The following FGF13 variants were observed in gnomAD, a reference collection of about 807,000 sequenced individuals.
FGF13 encodes the protein fibroblast growth factor homologous factor 2.
FGF13 carries 2 observed loss-of-function variants against 19.5 expected under a neutral mutation model. The observed-to-expected ratio is 0.10, with a 90% CI of 0.04 to 0.32. The LOEUF is 0.32. Among genes scored for constraint, FGF13 ranks in the 10% least tolerant of loss-of-function variants. FGF13 has a pLI of 1.00. For missense variants in FGF13, 113 were observed against 192.7 expected, an observed-to-expected ratio of 0.59 and a Z score of 2.45; for synonymous variants, 72 against 76.9, an observed-to-expected ratio of 0.94 and a Z score of 0.33.
At chrX:138,953,931 G>T (rs2091828096) in intron 1 of FGF13, among the ~76,000 whole-genome samples, 1 of 111,137 alleles carries the variant, frequency 9.0e-6, no homozygotes, top group Non-Finnish European at 1.9e-5. Flanking sequence ...TCTCTGGAAA[G>T]GGTGAGGCAG....
chrX:138,947,761 A>G (rs1057000473), intron 1 of FGF13, among the ~76,000 whole-genome samples: 4 of 111,989 alleles, frequency 3.6e-5, no homozygotes, highest in Non-Finnish European at 7.5e-5. Context: ...CAAAGTTCTT[A>G]TGTTCAAGTT....
intron 1 of FGF13, among the ~76,000 whole-genome samples, chrX:138,989,237 A>T: frequency 9.0e-6 from 1 of 111,709 alleles, no homozygotes. Context: ...GAAGAACTCC[A>T]TTTTGAAACT....
intron 3 of FGF13, among the ~76,000 whole-genome samples, chrX:138,808,842 C>T (rs1418718699): frequency 1.8e-5 from 2 of 111,679 alleles, no homozygotes; most frequent in Admixed American, 1.9e-4. Flanking sequence ...CTAGAAAATC[C>T]AGAAGAAATG....
In FGF13 at chrX:138,625,486, T is replaced by TATATATATATACATATATATATATAA. The variant is rs2089052096; in HGVS notation, c.*7338_*7363dup. 1.1e-5 allele frequency: 1 copy of TATATATATATACATATATATATATAA among 91,531 alleles called. No individual in the cohort carries two copies. Among genetic ancestry groups the TATATATATATACATATATATATATAA allele is most frequent in the Admixed American group, 1.2e-4 (1 of 8,056 alleles). The allele number at this position is 91,531 out of a possible 1,213,427, so 7.5% of individuals were successfully genotyped here. ...TATATATATACATATATATATATAA[T>TATATATATATACATATATATATATAA]ATATATATATACATATATATATATA... On this transcript the variant is annotated 3_prime_UTR_variant, in exon 5 of 5. Transcript: ENST00000315930.
chrX:139,188,478 G>A (rs914169591), intron 1 of FGF13, among the ~76,000 whole-genome samples: 1 of 111,653 alleles, frequency 9.0e-6, no homozygotes, highest in Non-Finnish European at 1.9e-5. Context: ...TACATGGAGT[G>A]GGAAATCTGT....
intron 1 of FGF13, among the ~76,000 whole-genome samples, chrX:138,927,331 A>G (rs2091679280): frequency 1.8e-5 from 2 of 111,802 alleles, no homozygotes; most frequent in African/African-American, 6.5e-5. Context: ...GACCCATCCA[A>G]CTGGGCTCTA....
At chrX:138,811,263 C>A (rs998004867) in intron 3 of FGF13, among the ~76,000 whole-genome samples, 2 of 111,155 alleles carry the variant, frequency 1.8e-5, no homozygotes, top group Non-Finnish European at 3.8e-5. Context: ...TACTATGCAG[C>A]CATAAAAAAG....
At chrX:139,038,634 T>A (rs767704013) in intron 1 of FGF13, among the ~76,000 whole-genome samples, 1 of 112,068 alleles carries the variant, frequency 8.9e-6, no homozygotes, top group African/African-American at 3.2e-5. Context: ...GGCTGAAATG[T>A]TCTTCCAATT....
At chrX:138,793,161 G>A (rs1381515485) in intron 3 of FGF13, among the ~76,000 whole-genome samples, 1 of 111,189 alleles carries the variant, frequency 9.0e-6, no homozygotes. Context: ...AGCTTGAAAC[G>A]AATTCTCCTC....
At chrX:138,698,047 G>A (rs2089912026) in intron 3 of FGF13, among the ~76,000 whole-genome samples, 1 of 110,616 alleles carries the variant, frequency 9.0e-6, no homozygotes, top group African/African-American at 3.3e-5. Context: ...GAAAGACTCA[G>A]CATATATCAT....
In FGF13 at chrX:139,161,560, C is replaced by T. The variant is rs191463076; in HGVS notation, c.-113+41856G>A. 3.3e-3 allele frequency among the ~76,000 whole-genome samples: 362 copies of T among 111,308 alleles called. 6 individuals are homozygous for T. Among genetic ancestry groups the T allele is most frequent in the African/African-American group, 0.011 (333 of 30,602 alleles). The stretch of plus-strand genomic sequence containing the variant: ...GGGAAGTCTGGCCACGGCACTCAGG[C>T]AAGAGAAAGAAATAAAGTGTATTTA... On this transcript the variant is annotated intron_variant, in intron 1 of 2. Transcript: ENST00000421460.
chrX:138,868,947 T>C (rs1569414890), intron 1 of FGF13, among the ~76,000 whole-genome samples: 1 of 111,021 alleles, frequency 9.0e-6, no homozygotes, highest in Non-Finnish European at 1.9e-5. Context: ...TCCTTGGTTC[T>C]AGTGCTAGCG....
intron 3 of FGF13, among the ~76,000 whole-genome samples, chrX:138,808,165 T>C (rs1300417758): frequency 8.9e-6 from 1 of 111,865 alleles, no homozygotes; most frequent in African/African-American, 3.3e-5. Context: ...ATCGCACTTA[T>C]TCTAAAATTG....
chrX:139,099,911 C>G (rs981047493), intron 1 of FGF13, among the ~76,000 whole-genome samples: 18 of 110,557 alleles, frequency 1.6e-4, no homozygotes, highest in Middle Eastern at 9.3e-3. Flanking sequence ...TTAGTTAAGT[C>G]CAGAACCATA....
At chrX:138,885,593 C>A (rs964752917) in intron 1 of FGF13, among the ~76,000 whole-genome samples, 3 of 108,198 alleles carry the variant, frequency 2.8e-5, no homozygotes, top group African/African-American at 1.0e-4. Flanking sequence ...ATCATCATTG[C>A]AAGGTCTCTG....
chrX:138,976,153 A>T (rs1195095051), intron 1 of FGF13, among the ~76,000 whole-genome samples: 1 of 111,875 alleles, frequency 8.9e-6, no homozygotes, highest in African/African-American at 3.3e-5. Flanking sequence ...ACCACCGGAA[A>T]CAAGGCTCAC....
intron 1 of FGF13, among the ~76,000 whole-genome samples, chrX:139,004,089 G>A (rs933771576): frequency 1.2e-4 from 13 of 112,620 alleles, no homozygotes; most frequent in East Asian, 8.5e-4. Context: ...GGTGCTCGTC[G>A]GGGAGGCTTG....
At chrX:139,077,261 T>C (rs1225998800) in intron 1 of FGF13, among the ~76,000 whole-genome samples, 3 of 112,252 alleles carry the variant, frequency 2.7e-5, no homozygotes, top group Non-Finnish European at 5.6e-5. Flanking sequence ...GTATCGCTAT[T>C]TGAAAAGCCA....
At chrX:139,010,619 C>T (rs2092124189) in intron 1 of FGF13, among the ~76,000 whole-genome samples, 1 of 111,120 alleles carries the variant, frequency 9.0e-6, no homozygotes, top group Admixed American at 9.6e-5. Context: ...ATAATAGTGA[C>T]ACAACCTCTC....
Sources: allele counts gnomAD v4.1 joint callset (sites outside exome capture counted in the v4.1 genomes callset), GRCh38; gene constraint gnomAD v4.1.1; transcripts MANE v1.5; gene names NCBI Gene and HGNC (gene_info 2026-07-23, HGNC 2026-07-21).